Variants in DOCK7 observed in about 807,000 individuals in gnomAD.
DOCK7 encodes dedicator of cytokinesis protein 7.
DOCK7 carries 138 observed loss-of-function variants against 271.0 expected under a neutral mutation model. That is an observed-to-expected ratio of 0.51 (90% CI 0.44 to 0.59). The LOEUF is 0.59. Among genes scored for constraint, DOCK7 ranks in the 20% least tolerant of loss-of-function variants. The pLI is 0.00. For synonymous variants in DOCK7, 823 were observed against 876.1 expected (o/e 0.94, Z 1.07); for missense variants, 2,066 against 2,592.4 (o/e 0.80, Z 4.41).
At chr1:62,606,822 T>G (rs1651067443) in intron 14 of DOCK7, among the ~76,000 whole-genome samples, 1 of 152,092 alleles carries the variant, frequency 6.6e-6, no homozygotes, top group Non-Finnish European at 1.5e-5. Flanking sequence ...AATCTACATA[T>G]TCATCCCAAG....
intron 40 of DOCK7, among the ~76,000 whole-genome samples, chr1:62,493,683 C>G (rs188501978): frequency 1.3e-5 from 2 of 152,262 alleles, no homozygotes; most frequent in East Asian, 3.9e-4. Context: ...CGATAACTTT[C>G]TTTTTGCATT....
chr1:62,524,714 A>G (rs1644947270), intron 31 of DOCK7, among the ~76,000 whole-genome samples: 1 of 151,724 alleles, frequency 6.6e-6, no homozygotes, highest in Non-Finnish European at 1.5e-5. Context: ...CCTGGCCAAC[A>G]TAGTGAAACC....
chr1:62,667,204 T>C (rs920608367), intron 1 of DOCK7, among the ~76,000 whole-genome samples: 1 of 152,014 alleles, frequency 6.6e-6, no homozygotes, highest in African/African-American at 2.4e-5. Context: ...TGAGAAAAAA[T>C]GAATAAGGAG....
intron 31 of DOCK7, among the ~76,000 whole-genome samples, chr1:62,517,865 C>T (rs933180368): frequency 2.6e-5 from 4 of 152,068 alleles, no homozygotes; most frequent in East Asian, 3.9e-4. Flanking sequence ...TATACCTTAG[C>T]GAAACTCTTC....
chr1:62,644,517 A>G (rs1656405441), intron 7 of DOCK7, among the ~76,000 whole-genome samples: 1 of 152,220 alleles, frequency 6.6e-6, no homozygotes, highest in African/African-American at 2.4e-5. Context: ...AAAATTAGCT[A>G]CAGAACACTT....
Position 62,475,702 on chromosome 1 carries a change from C to A in DOCK7, c.5961+5G>T, listed in dbSNP as rs1377329622. The A allele has an allele frequency of 6.2e-7, 1 of 1,612,686 alleles. No individual in the cohort carries two copies. Among genetic ancestry groups the A allele is most frequent in the Admixed American group, 1.7e-5 (1 of 59,964 alleles). The stretch of plus-strand genomic sequence containing the variant: ...CTAATGCTGTTTGCCCATTAATGGA[C>A]TTACCTCTTCTTTATGAGTGACATT... On this transcript the variant is annotated splice_donor_5th_base_variant and intron_variant, in intron 46 of 49. Coordinates refer to ENST00000635253, the MANE Select transcript of DOCK7 (RefSeq NM_001367561.1).
intron 43 of DOCK7, 180 bp downstream of exon 43, chr1:62,487,218 A>T: frequency 3.6e-6 from 2 of 559,470 alleles, no homozygotes; most frequent in Non-Finnish European, 6.4e-6. Flanking sequence ...ACGACCTCAT[A>T]ATAAGATATT....
chr1:62,494,310 G>C lies in DOCK7; in HGVS notation c.5182C>G (p.Arg1728Gly), dbSNP rs76581585. ...VAEYLSMLED[R>G]KYLPVGCVTF... is the part of the protein sequence containing the mutation. ...ACACATCCCACAGGAAGATATTTCC[G>C]GTCCTCCAGCATGCTCAAATATTCA... Residue 1728 changes from arginine (R) to glycine (G), a missense_variant, in exon 40 of 50, where the codon CGG (arginine) becomes GGG (glycine). Transcript: ENST00000635253. 6.2e-7 allele frequency: 1 copy of C among 1,602,332 alleles called. No individual in the cohort carries two copies. Among genetic ancestry groups the C allele is most frequent in the Admixed American group, 1.7e-5 (1 of 59,704 alleles).
chr1:62,576,416 C>A (rs892451674), intron 18 of DOCK7, among the ~76,000 whole-genome samples: 1 of 152,088 alleles, frequency 6.6e-6, no homozygotes, highest in Non-Finnish European at 1.5e-5. Context: ...ATGCACTTTT[C>A]GTGTGTAAGG....
rs1571525082 is a variant in DOCK7 at position 62,554,713 on chromosome 1, A to T, written c.2596+1112T>A. ...ATGTAAAAAAAAGATGCTTTGCAAA[A>T]TCTGTGGAATTCTAATAGTGTACTG... On this transcript the variant is annotated intron_variant, in intron 21 of 49. Coordinates refer to ENST00000635253, the MANE Select transcript of DOCK7 (RefSeq NM_001367561.1). 2.6e-5 allele frequency among the ~76,000 whole-genome samples: 4 copies of T among 152,214 alleles called. No individual in the cohort carries two copies. The East Asian group carries it at 7.7e-4, about 29-fold the overall frequency.
chr1:62,655,002 A>T (rs1454310331), intron 2 of DOCK7, among the ~76,000 whole-genome samples: 2 of 152,224 alleles, frequency 1.3e-5, no homozygotes, highest in Admixed American at 6.5e-5. Flanking sequence ...TAGTCCAGTG[A>T]TACTGATTTC....
At chr1:62,525,071 T>C (rs971353481) in intron 31 of DOCK7, among the ~76,000 whole-genome samples, 4 of 151,228 alleles carry the variant, frequency 2.6e-5, no homozygotes, top group African/African-American at 9.8e-5. Context: ...AGTGGCGCGA[T>C]CTAGGCTTAC....
At chr1:62,669,139 T>C (rs1659650297) in intron 1 of DOCK7, among the ~76,000 whole-genome samples, 1 of 152,226 alleles carries the variant, frequency 6.6e-6, no homozygotes, top group East Asian at 1.9e-4. Flanking sequence ...CCTGTGCTTA[T>C]CTGCATACAT....
intron 35 of DOCK7, among the ~76,000 whole-genome samples, 187 bp downstream of exon 35, chr1:62,507,775 T>C (rs1646985583): frequency 6.6e-6 from 1 of 152,210 alleles, no homozygotes; most frequent in African/African-American, 2.4e-5. Flanking sequence ...ATAATCATCC[T>C]CCATGAAGAA....
intron 22 of DOCK7, among the ~76,000 whole-genome samples, chr1:62,547,020 C>T (rs1645733847): frequency 6.6e-6 from 1 of 152,012 alleles, no homozygotes; most frequent in South Asian, 2.1e-4. Context: ...TCATGAATTT[C>T]CACAAAAAGA....
chr1:62,518,915 T>C (rs758508268), intron 31 of DOCK7, among the ~76,000 whole-genome samples: 1 of 151,628 alleles, frequency 6.6e-6, no homozygotes, highest in Non-Finnish European at 1.5e-5. Context: ...ATTTTTAAGA[T>C]ACAAGAAAAA....
chr1:62,509,434 A>C (rs895317005), intron 34 of DOCK7, among the ~76,000 whole-genome samples: 3 of 152,160 alleles, frequency 2.0e-5, no homozygotes, highest in Non-Finnish European at 4.4e-5. Context: ...TTAAACAAAA[A>C]GAATCAGGAG....
chr1:62,622,294 C>T (rs1357156358), intron 12 of DOCK7, among the ~76,000 whole-genome samples: 1 of 152,090 alleles, frequency 6.6e-6, no homozygotes, highest in Non-Finnish European at 1.5e-5. Flanking sequence ...TAGCTGATAC[C>T]CTTTCCTCTA....
intron 17 of DOCK7, 40 bp downstream of exon 17, chr1:62,578,788 T>G (rs1647020677): frequency 6.6e-7 from 1 of 1,509,390 alleles, no homozygotes; most frequent in Admixed American, 2.3e-5. Flanking sequence ...TCACCATTAT[T>G]TTAGCTCTTT....
Sources: gnomAD v4.1 joint callset for allele counts (sites outside exome capture counted in the v4.1 genomes callset) on GRCh38, gnomAD v4.1.1 for gene constraint, MANE v1.5 for transcripts, NCBI Gene and HGNC (gene_info 2026-07-23, HGNC 2026-07-21) for gene names.